Variants in ZNF536 observed in about 807,000 individuals in gnomAD.
ZNF536 encodes the protein zinc finger protein 536.
A neutral mutation model predicts 84.5 loss-of-function variants in ZNF536; 13 were observed. The observed-to-expected ratio is 0.15, with a 90% confidence interval of 0.10 to 0.24. The LOEUF is 0.24. Among genes scored for constraint, ZNF536 ranks in the 10% least tolerant of loss-of-function variants. ZNF536 has a pLI of 1.00. For synonymous variants in ZNF536, 811 were observed against 742.5 expected, an observed-to-expected ratio of 1.09 and a Z score of -1.50; for missense variants, 1,536 against 1,747.5, an observed-to-expected ratio of 0.88 and a Z score of 2.16.
chr19:30,526,463 G>A (rs969806410), intron 2 of ZNF536, among the ~76,000 whole-genome samples: 3 of 125,148 alleles, frequency 2.4e-5, no homozygotes, highest in African/African-American at 7.6e-5. Context: ...GGTGGCTCAC[G>A]CCTGTAATCC....
At chr19:30,331,427 C>T (rs1398140689) in intron 2 of ZNF536, among the ~76,000 whole-genome samples, 2 of 151,502 alleles carry the variant, frequency 1.3e-5, no homozygotes, top group Non-Finnish European at 2.9e-5. Context: ...GCTGATTCCC[C>T]ATCAGATTTG....
At chr19:30,414,952 T>C (rs529906789) in intron 1 of ZNF536, among the ~76,000 whole-genome samples, 4 of 152,328 alleles carry the variant, frequency 2.6e-5, no homozygotes, top group Admixed American at 2.6e-4. Flanking sequence ...AGTGTTGTCA[T>C]TGAGAAGTCT....
chr19:30,574,002 A>T (rs982877484), intron 1 of ZNF536, among the ~76,000 whole-genome samples: 1 of 152,174 alleles, frequency 6.6e-6, no homozygotes, highest in African/African-American at 2.4e-5. Context: ...GCTTTCAAAT[A>T]AATAGCTGTT....
chr19:30,428,264 G>T (rs2051300250), intron 1 of ZNF536, among the ~76,000 whole-genome samples: 1 of 152,186 alleles, frequency 6.6e-6, no homozygotes. Context: ...AGGAGGAGAG[G>T]CAGGAGCAGA....
Position 30,557,157 on chromosome 19 carries a change from G to T in ZNF536, c.3896G>T (p.Gly1299Val). The T allele has an allele frequency of 1.2e-6, 2 of 1,613,402 alleles. No individual in the cohort carries two copies. The highest frequency in any genetic ancestry group is 1.7e-6 in the Non-Finnish European group (2 of 1,179,676). ...SGCIKRPDLC[G>V]K ...AATAAATCTGCACATTTTCTTGCAG[G>T]TAAGTGACACTCCCTGTCCTAGTCG... The change falls in exon 5 of 5, where the codon GGT becomes GTT. Residue 1299 changes from glycine to valine, a missense_variant and splice_region_variant. By Grantham distance (109) the Gly-to-Val change is moderately radical. This residue lies in a region of ZNF536 where 624 missense variants were observed against 603.1 expected (regional missense o/e 1.03). Coordinates refer to ENST00000355537, the MANE Select transcript of ZNF536 (RefSeq NM_014717.3).
Position 30,445,356 on chromosome 19 carries a change from C to T in ZNF536, c.1794C>T (p.Leu598=), listed in dbSNP as rs1255298532. 1.2e-6 allele frequency: 2 copies of T among 1,614,022 alleles called. No individual in the cohort carries two copies. The highest frequency in any genetic ancestry group is 1.7e-5 in the Admixed American group (1 of 60,006). Residue 598 remains leucine (L), a synonymous_variant, in exon 2 of 5, where the codon CTC becomes CTT. Coordinates refer to ENST00000355537, the MANE Select transcript of ZNF536 (RefSeq NM_014717.3). The surrounding 1 kb of genome is among the most constrained non-coding windows in gnomAD (Gnocchi z 4.5). ...GCCAGAGAGACCTGCCAAGTAAGCT[C>T]GACCCTTTAGAAAGCAGTCGGGATT... ...VGSQRDLPSK[L]DPLESSRDFL...
chr19:30,305,867 G>T (rs1409314325), intron 2 of ZNF536, among the ~76,000 whole-genome samples: 1 of 152,236 alleles, frequency 6.6e-6, no homozygotes, highest in Non-Finnish European at 1.5e-5. Flanking sequence ...GCCATCAGGC[G>T]CCCTGTCCTC....
chr19:30,364,213 A>T (rs751061808), intron 3 of ZNF536, among the ~76,000 whole-genome samples: 22 of 152,126 alleles, frequency 1.4e-4, no homozygotes, highest in Admixed American at 3.9e-4. Context: ...TGACACAGGG[A>T]AAGTGGGAAT....
At chr19:30,700,236 CTT>C (rs1271997237) in intron 1 of ZNF536, among the ~76,000 whole-genome samples, 19 of 119,556 alleles carry the variant, frequency 1.6e-4, no homozygotes, top group South Asian at 1.2e-3. Context: ...TTCTTTCTTT[CTT>C]TCTCTCTCTC....
At chr19:30,243,200 G>A (rs955692189) in intron 1 of ZNF536, among the ~76,000 whole-genome samples, 1 of 152,012 alleles carries the variant, frequency 6.6e-6, no homozygotes, top group Non-Finnish European at 1.5e-5. Flanking sequence ...CAGACCTTGT[G>A]GAACAGCTTT....
chr19:30,503,376 A>C (rs2055028476), intron 2 of ZNF536, among the ~76,000 whole-genome samples: 1 of 152,250 alleles, frequency 6.6e-6, no homozygotes. Context: ...GAAGAAATAC[A>C]AATGGTCAAT....
chr19:30,515,012 C>A (rs998618237), intron 2 of ZNF536, among the ~76,000 whole-genome samples: 3 of 152,044 alleles, frequency 2.0e-5, no homozygotes, highest in African/African-American at 7.2e-5. Context: ...CTTTGGGAGG[C>A]CGAGATGGGA....
At chr19:30,529,569 G>A (rs148938165) in intron 2 of ZNF536, among the ~76,000 whole-genome samples, 2 of 152,062 alleles carry the variant, frequency 1.3e-5, no homozygotes, top group African/African-American at 2.4e-5. Flanking sequence ...CACCTTGATC[G>A]AGGCCAACCT....
chr19:30,300,871 GTC>G lies in ZNF536; in HGVS notation c.-120+16732_-120+16733del, dbSNP rs1491055186. Reference sequence around the variant, plus strand: ...CGCCTGAGTGCACAAGTGTGTGTGTGTCTGGAGGTTCGAGTCCTAGCTCTGCC... The same window carrying G: ...CGCCTGAGTGCACAAGTGTGTGTGTGTGGAGGTTCGAGTCCTAGCTCTGCC... On this transcript the variant is annotated intron_variant, in intron 2 of 5. Coordinates refer to the ZNF536 transcript ENST00000585628. Among the ~76,000 whole-genome samples, 173 of 152,252 alleles carry G rather than the reference GTC, an allele frequency of 1.1e-3. 1 individual carries two copies. The highest frequency in any genetic ancestry group is 4.1e-3 in the African/African-American group (169 of 41,530).
chr19:30,482,119 AAATGTGTGTG>A (rs1202057410), intron 2 of ZNF536, among the ~76,000 whole-genome samples: 5 of 152,254 alleles, frequency 3.3e-5, no homozygotes, highest in African/African-American at 1.2e-4. Context: ...GTGCTGCTAT[AAATGTGTGTG>A]AATGTGTGTG....
At chr19:30,313,708 C>T (rs1022798728) in intron 2 of ZNF536, among the ~76,000 whole-genome samples, 1 of 152,152 alleles carries the variant, frequency 6.6e-6, no homozygotes, top group Non-Finnish European at 1.5e-5. Flanking sequence ...TTCCAGCATC[C>T]CTGAGAAGCC....
At chr19:30,689,535 G>A (rs2147893894) in intron 1 of ZNF536, among the ~76,000 whole-genome samples, 1 of 152,280 alleles carries the variant, frequency 6.6e-6, no homozygotes, top group East Asian at 1.9e-4. Flanking sequence ...GATTTCTGAT[G>A]GGTTGTGGCT....
rs556517892 is a variant in ZNF536, at chr19:30,652,089, T to A, written c.170-58668T>A. Among the ~76,000 whole-genome samples the A allele has an allele frequency of 2.0e-5, 3 of 152,370 alleles. No individual in the cohort carries two copies. The South Asian group carries it at 6.2e-4, about 32-fold the overall frequency. On this transcript the variant is annotated intron_variant, in intron 1 of 1. Transcript: ENST00000592773. ...AGAGGATCTGATAATTTATAACCAT[T>A]CCTATTGGGTTTTATGTAATAACTT...
chr19:30,492,104 G>A (rs2054533921), intron 2 of ZNF536, among the ~76,000 whole-genome samples: 1 of 150,524 alleles, frequency 6.6e-6, no homozygotes, highest in Admixed American at 6.6e-5. Context: ...GAGGGTGGGG[G>A]TGGGCAGGTC....
Sources: gnomAD v4.1 joint callset for allele counts (sites outside exome capture counted in the v4.1 genomes callset) on GRCh38, gnomAD v4.1.1 for gene constraint, gnomAD v4.1.1 regional missense constraint, Gnocchi (gnomAD v3.1) non-coding constraint, MANE v1.5 for transcripts, NCBI Gene and HGNC (gene_info 2026-07-23, HGNC 2026-07-21) for gene names.